DLG2: variants seen among roughly 807,000 people sequenced by gnomAD.
DLG2 encodes discs large MAGUK scaffold protein 2, also known as disks large homolog 2.
Under a neutral mutation model 132.5 loss-of-function variants are expected in DLG2, and 45 were observed. The observed-to-expected ratio is 0.34, with a 90% CI of 0.27 to 0.44. The LOEUF (loss-of-function observed/expected upper bound fraction) is 0.44. DLG2 is among the 20% of genes least tolerant of loss of function. The probability of loss-of-function intolerance (pLI) is 1.00; values close to 1 mark genes in which losing one functional copy is unlikely to be tolerated. For missense variants in DLG2, 1,045 were observed against 1,196.9 expected (o/e 0.87, Z 1.87); for synonymous variants, 424 against 419.6 (o/e 1.01, Z -0.13).
At chr11:85,012,787 T>G (rs2059256729) in intron 6 of DLG2, among the ~76,000 whole-genome samples, 1 of 152,184 alleles carries the variant, frequency 6.6e-6, no homozygotes, top group Non-Finnish European at 1.5e-5. Flanking sequence ...CGACCATTTT[T>G]GCTAAAGTGA....
chr11:85,074,993 TA>T (rs1390170846), intron 6 of DLG2, among the ~76,000 whole-genome samples: 1 of 151,718 alleles, frequency 6.6e-6, no homozygotes, highest in African/African-American at 2.4e-5. Context: ...AAATTAGAAC[TA>T]AAAGGGGAGG....
Position 83,541,677 on chromosome 11 carries a change from C to A in DLG2, c.2117+5G>T. 1 of 1,595,040 alleles carries A rather than the reference C, an allele frequency of 6.3e-7. No individual in the cohort carries two copies. Among genetic ancestry groups the A allele is most frequent in the Non-Finnish European group, 8.5e-7 (1 of 1,171,034 alleles). On this transcript the variant is annotated splice_donor_5th_base_variant and intron_variant, in intron 20 of 27. Coordinates refer to ENST00000376104, the MANE Select transcript of DLG2 (RefSeq NM_001142699.3). The stretch of plus-strand genomic sequence containing the variant: ...CAAATATTCTAGTACAAAAGGCATT[C>A]TTACCTCCTTTTGCTGGGGATGACC...
chr11:83,828,954 T>G (rs948561835), intron 17 of DLG2, among the ~76,000 whole-genome samples: 2 of 152,072 alleles, frequency 1.3e-5, no homozygotes, highest in East Asian at 3.9e-4. Flanking sequence ...CTAAATTACC[T>G]AGGAATATTC....
intron 18 of DLG2, among the ~76,000 whole-genome samples, chr11:83,680,370 A>G (rs945021332): frequency 3.3e-5 from 5 of 152,216 alleles, no homozygotes; most frequent in African/African-American, 1.2e-4. Context: ...CTTGGCATTA[A>G]GGTATATTAA....
chr11:84,061,020 G>A (rs1321822263), intron 10 of DLG2, among the ~76,000 whole-genome samples: 1 of 152,174 alleles, frequency 6.6e-6, no homozygotes, highest in Non-Finnish European at 1.5e-5. Context: ...AGTGAACATG[G>A]TTGGTTTGCT....
intron 3 of DLG2, among the ~76,000 whole-genome samples, chr11:85,532,910 C>A (rs1008683763): frequency 4.6e-5 from 7 of 152,080 alleles, no homozygotes; most frequent in African/African-American, 1.4e-4. Flanking sequence ...AAACAAAAAA[C>A]AATGCATTTT....
intron 6 of DLG2, among the ~76,000 whole-genome samples, chr11:84,852,993 T>C (rs1397301747): frequency 2.0e-5 from 3 of 151,938 alleles, no homozygotes; most frequent in Non-Finnish European, 4.4e-5. Flanking sequence ...AAAAGCAAAA[T>C]TGGATTTATT....
intron 12 of DLG2, among the ~76,000 whole-genome samples, chr11:83,966,748 CAA>C (rs2090289817): frequency 6.6e-6 from 1 of 151,986 alleles, no homozygotes; most frequent in Non-Finnish European, 1.5e-5. Flanking sequence ...TTTTTTGTGA[CAA>C]GAGCAGCTAA....
At chr11:83,793,629 C>A (rs1594491737) in intron 17 of DLG2, among the ~76,000 whole-genome samples, 1 of 152,258 alleles carries the variant, frequency 6.6e-6, no homozygotes, top group Non-Finnish European at 1.5e-5. Flanking sequence ...CGGGTTAAAT[C>A]TCAAGTCTAC....
At chr11:84,270,262 C>T (rs764674295) in intron 7 of DLG2, among the ~76,000 whole-genome samples, 22 of 152,188 alleles carry the variant, frequency 1.4e-4, no homozygotes, top group Non-Finnish European at 2.8e-4. Context: ...AGCTTACATT[C>T]GCCAGACACT....
chr11:84,854,799 T>A (rs1004574721), intron 6 of DLG2, among the ~76,000 whole-genome samples: 4 of 152,022 alleles, frequency 2.6e-5, no homozygotes, highest in African/African-American at 9.7e-5. Context: ...AATTGTGGAC[T>A]GCTCTCTGTA....
intron 3 of DLG2, among the ~76,000 whole-genome samples, chr11:85,593,627 T>C (rs2079525124): frequency 6.6e-6 from 1 of 152,170 alleles, no homozygotes; most frequent in Non-Finnish European, 1.5e-5. Context: ...TTCACACAAC[T>C]GTAGGGGCCT....
At chr11:84,866,439 C>G (rs775396346) in intron 6 of DLG2, among the ~76,000 whole-genome samples, 2 of 151,058 alleles carry the variant, frequency 1.3e-5, no homozygotes, top group Non-Finnish European at 2.9e-5. Flanking sequence ...CAATGTTACA[C>G]TGAGGGAAGG....
intron 3 of DLG2, among the ~76,000 whole-genome samples, chr11:85,535,532 G>A (rs2153196936): frequency 6.6e-6 from 1 of 152,238 alleles, no homozygotes; most frequent in South Asian, 2.1e-4. Context: ...ATGTATTGCT[G>A]ATGGGATTGC....
chr11:83,949,613 T>G (rs185575429), intron 14 of DLG2, among the ~76,000 whole-genome samples: 1 of 152,298 alleles, frequency 6.6e-6, no homozygotes. Context: ...AGCCTTTAAT[T>G]AATCTTTAGC....
chr11:83,764,762 T>C (rs553860835), intron 18 of DLG2, among the ~76,000 whole-genome samples: 1 of 152,366 alleles, frequency 6.6e-6, no homozygotes, highest in East Asian at 1.9e-4. Context: ...TTCCAGAGTC[T>C]GTGCTTTGAT....
chr11:85,324,821 C>T (rs1038010763), intron 3 of DLG2, among the ~76,000 whole-genome samples: 2 of 151,814 alleles, frequency 1.3e-5, no homozygotes, highest in South Asian at 2.1e-4. Context: ...GCGTGAGCGA[C>T]GCAGAAGACG....
intron 11 of DLG2, among the ~76,000 whole-genome samples, chr11:83,982,592 C>T (rs1016269742): frequency 6.6e-6 from 1 of 151,070 alleles, no homozygotes; most frequent in African/African-American, 2.4e-5. Flanking sequence ...ACAAAAGAGT[C>T]AAAAAGTTCA....
At chr11:83,600,161 TAGAG>T (rs1312808054) in intron 19 of DLG2, among the ~76,000 whole-genome samples, 1 of 151,738 alleles carries the variant, frequency 6.6e-6, no homozygotes, top group African/African-American at 2.4e-5. Flanking sequence ...AAGCTCATGA[TAGAG>T]AGATTATTCA....
Sources: gnomAD v4.1 joint callset for allele counts (sites outside exome capture counted in the v4.1 genomes callset) on GRCh38, gnomAD v4.1.1 for gene constraint, MANE v1.5 for transcripts, NCBI Gene and HGNC (gene_info 2026-07-23, HGNC 2026-07-21) for gene names.